WDR27: variants seen among roughly 807,000 people sequenced by gnomAD.
The protein encoded by WDR27 is WD repeat-containing protein 27.
In WDR27, 100 loss-of-function variants were observed where a neutral mutation model predicts 114.4. The ratio of observed to expected loss-of-function variants is 0.87; its 90% CI spans 0.74 to 1.03. The LOEUF (loss-of-function observed/expected upper bound fraction) is 1.03. Ranked by LOEUF, WDR27 falls within the 50% of genes least tolerant of loss-of-function variation. The probability of loss-of-function intolerance (pLI) is 0.00; values close to 1 mark genes in which losing one functional copy is unlikely to be tolerated. For missense variants in WDR27, 1,129 were observed against 1,092.9 expected (o/e 1.03, Z -0.47); for synonymous variants, 449 against 423.1 (o/e 1.06, Z -0.75).
intron 21 of WDR27, among the ~76,000 whole-genome samples, chr6:169,625,910 C>A (rs1350071168): frequency 6.6e-6 from 1 of 152,186 alleles, no homozygotes; most frequent in Non-Finnish European, 1.5e-5. Context: ...CAGGCCACCA[C>A]AGAAGCCAAC....
At chr6:169,540,254 C>T (rs1796668842) in intron 25 of WDR27, among the ~76,000 whole-genome samples, 1 of 152,174 alleles carries the variant, frequency 6.6e-6, no homozygotes, top group Non-Finnish European at 1.5e-5. Context: ...TCTTGCCCCA[C>T]ACCACATAAC....
At chr6:169,633,967 A>C (rs1429539623) in intron 20 of WDR27, among the ~76,000 whole-genome samples, 2 of 152,168 alleles carry the variant, frequency 1.3e-5, no homozygotes, top group East Asian at 3.8e-4. Flanking sequence ...AAAGATCTGG[A>C]GCTTTTCCCC....
chr6:169,554,918 A>G lies in WDR27; in HGVS notation c.2645+17501T>C, dbSNP rs148845453. Among the ~76,000 whole-genome samples the G allele has an allele frequency of 3.4e-3, 515 of 152,344 alleles. 5 individuals are homozygous for G. The highest frequency in any genetic ancestry group is 0.012 in the African/African-American group (497 of 41,570). On this transcript the variant is annotated intron_variant, in intron 25 of 25. Coordinates refer to ENST00000448612, the MANE Select transcript of WDR27 (RefSeq NM_182552.5). ...GATGTATATTTTTGCCTCCACGATG[A>G]CATAAATACTCTTGGATGAAAAATA... is the stretch of plus-strand genomic sequence containing the variant.
intron 21 of WDR27, among the ~76,000 whole-genome samples, chr6:169,628,346 G>A (rs1264200207): frequency 2.0e-5 from 3 of 152,240 alleles, no homozygotes; most frequent in African/African-American, 7.2e-5. Flanking sequence ...TTTTGTTAAA[G>A]CAGCCCCAAC....
chr6:169,543,102 G>A (rs1325039504), intron 25 of WDR27, among the ~76,000 whole-genome samples: 2 of 151,928 alleles, frequency 1.3e-5, no homozygotes, highest in East Asian at 3.8e-4. Flanking sequence ...TAAAGAAAAT[G>A]GGAAATGTGT....
intron 25 of WDR27, among the ~76,000 whole-genome samples, chr6:169,518,323 G>T (rs989666212): frequency 2.0e-5 from 3 of 152,244 alleles, no homozygotes; most frequent in African/African-American, 7.2e-5. Context: ...TTCTACATGG[G>T]GACTCTGCCC....
chr6:169,517,686 T>C (rs1457037152), intron 25 of WDR27, among the ~76,000 whole-genome samples: 1 of 152,214 alleles, frequency 6.6e-6, no homozygotes, highest in Admixed American at 6.5e-5. Context: ...TTTGTTTATA[T>C]TGGAATGCCT....
intron 2 of WDR27, among the ~76,000 whole-genome samples, chr6:169,686,809 T>TA (rs1367234605): frequency 2.0e-5 from 3 of 152,106 alleles, no homozygotes; most frequent in Admixed American, 2.0e-4. Context: ...TATTCTGCCA[T>TA]AAAAAAGACT....
chr6:169,535,571 A>G (rs1468132557), intron 25 of WDR27, among the ~76,000 whole-genome samples: 1 of 152,184 alleles, frequency 6.6e-6, no homozygotes, highest in East Asian at 1.9e-4. Context: ...GCAATAAAAT[A>G]TGTTCCAGTA....
chr6:169,579,595 G>A (rs1803028387), intron 24 of WDR27, among the ~76,000 whole-genome samples: 1 of 152,098 alleles, frequency 6.6e-6, no homozygotes, highest in African/African-American at 2.4e-5. Flanking sequence ...TAATTCATCT[G>A]CATAAGACAC....
chr6:169,486,344 C>A (rs1788888115), intron 25 of WDR27, among the ~76,000 whole-genome samples: 1 of 152,088 alleles, frequency 6.6e-6, no homozygotes, highest in South Asian at 2.1e-4. Flanking sequence ...TAAGTATATA[C>A]CCAGTGTACT....
intron 2 of WDR27, among the ~76,000 whole-genome samples, chr6:169,682,078 G>A (rs1240042811): frequency 2.6e-5 from 4 of 151,888 alleles, no homozygotes; most frequent in Non-Finnish European, 5.9e-5. Flanking sequence ...TCCAACCTCT[G>A]TCCCACAGCA....
chr6:169,510,773 A>G (rs756492179), intron 25 of WDR27, among the ~76,000 whole-genome samples: 2 of 152,156 alleles, frequency 1.3e-5, no homozygotes, highest in African/African-American at 2.4e-5. Flanking sequence ...CTAAAACTTA[A>G]AGTATAATAA....
intron 24 of WDR27, among the ~76,000 whole-genome samples, chr6:169,578,651 G>C (rs556250030): frequency 2.6e-5 from 4 of 152,292 alleles, no homozygotes; most frequent in Admixed American, 2.6e-4. Context: ...TCACTCATCT[G>C]AGACACAGCT....
chr6:169,689,089 A>G lies in WDR27; in HGVS notation c.-7-77T>C, dbSNP rs1783810821. The G allele has an allele frequency of 3.0e-6, 3 of 995,196 alleles. No homozygotes were observed. In the Admixed American group the frequency reaches 8.9e-5, roughly 29 times the overall value. 61.6% of individuals were successfully genotyped at this position (995,196 alleles called of 1,614,324 possible). A position where few individuals can be genotyped will look rare whatever the true frequency, so the allele number is the denominator to read the frequency against. On this transcript the variant is annotated intron_variant, in intron 1 of 25. Transcript: ENST00000448612. The stretch of plus-strand genomic sequence containing the variant: ...GAAAAAAAGTCTATTACCTACTGAT[A>G]GTTACTAGTTTGACCACACACATAT...
At chr6:169,621,131 G>A (rs1813031114) in intron 21 of WDR27, among the ~76,000 whole-genome samples, 1 of 152,174 alleles carries the variant, frequency 6.6e-6, no homozygotes. Context: ...GCACTTTAAT[G>A]AATACTATAA....
At chr6:169,598,454 A>G (rs1807269277) in intron 23 of WDR27, among the ~76,000 whole-genome samples, 1 of 151,976 alleles carries the variant, frequency 6.6e-6, no homozygotes, top group Non-Finnish European at 1.5e-5. Flanking sequence ...TAAGGACCCC[A>G]CTCCCATGGT....
At chr6:169,465,397 A>T (rs536597977) in intron 25 of WDR27, among the ~76,000 whole-genome samples, 4 of 152,278 alleles carry the variant, frequency 2.6e-5, no homozygotes, top group Non-Finnish European at 5.9e-5. Flanking sequence ...CAAAATAAAA[A>T]GTGTCAGTGA....
At chr6:169,658,446 C>G (rs756371793) in intron 12 of WDR27, 88 bp from the exon 13 acceptor site, 20 of 958,608 alleles carry the variant, frequency 2.1e-5, no homozygotes, top group Non-Finnish European at 3.3e-5. Context: ...AAAGACAGTT[C>G]CAAATGACTG....
Sources: gnomAD v4.1 joint callset for allele counts (sites outside exome capture counted in the v4.1 genomes callset) on GRCh38, gnomAD v4.1.1 for gene constraint, MANE v1.5 for transcripts, NCBI Gene and HGNC (gene_info 2026-07-23, HGNC 2026-07-21) for gene names.